Variants in SDCCAG8 observed in about 807,000 individuals in gnomAD.
The protein encoded by SDCCAG8 is serologically defined colon cancer antigen 8.
SDCCAG8 carries 74 observed loss-of-function variants against 101.8 expected under a neutral mutation model. That is an observed-to-expected ratio of 0.73 (90% CI 0.60 to 0.88). The LOEUF is 0.88. SDCCAG8 is among the 40% of genes least tolerant of loss of function. The pLI is 0.00. For missense variants in SDCCAG8, 787 were observed against 822.6 expected, an observed-to-expected ratio of 0.96 and a Z score of 0.53; for synonymous variants, 281 against 292.9, an observed-to-expected ratio of 0.96 and a Z score of 0.41.
chr1:243,437,232 G>A (rs2082194187), intron 16 of SDCCAG8, among the ~76,000 whole-genome samples: 1 of 152,136 alleles, frequency 6.6e-6, no homozygotes, highest in South Asian at 2.1e-4. Flanking sequence ...AACCTAGATT[G>A]CCTGTCTTTT....
At chr1:243,428,423 CTAAT>C (rs540456934) in intron 16 of SDCCAG8, among the ~76,000 whole-genome samples, 1 of 152,252 alleles carries the variant, frequency 6.6e-6, no homozygotes, top group South Asian at 2.1e-4. Flanking sequence ...TCATAACTGT[CTAAT>C]TAATTATAGT....
intron 11 of SDCCAG8, among the ~76,000 whole-genome samples, chr1:243,343,663 T>C (rs1379719210): frequency 6.6e-6 from 1 of 152,228 alleles, no homozygotes; most frequent in Non-Finnish European, 1.5e-5. Flanking sequence ...TACCTCATAT[T>C]GTGTATGATA....
chr1:243,350,013 G>A (rs559247719), intron 12 of SDCCAG8, among the ~76,000 whole-genome samples: 1 of 152,244 alleles, frequency 6.6e-6, no homozygotes, highest in African/African-American at 2.4e-5. Context: ...GGCAAAAAAG[G>A]ATTTGAGGGT....
chr1:243,491,432 G>A (rs1038405987), intron 17 of SDCCAG8, among the ~76,000 whole-genome samples: 2 of 152,158 alleles, frequency 1.3e-5, no homozygotes, highest in African/African-American at 4.8e-5. Context: ...TATTACACTT[G>A]GAGTTATTTT....
intron 12 of SDCCAG8, among the ~76,000 whole-genome samples, chr1:243,372,308 C>T (rs2077338152): frequency 6.6e-6 from 1 of 152,014 alleles, no homozygotes; most frequent in South Asian, 2.1e-4. Flanking sequence ...AATTTTTCTT[C>T]TCCCCATTCT....
chr1:243,437,997 G>A (rs1192248987), intron 16 of SDCCAG8, among the ~76,000 whole-genome samples: 3 of 152,198 alleles, frequency 2.0e-5, no homozygotes, highest in African/African-American at 4.8e-5. Flanking sequence ...CCTGGAGGCA[G>A]TGGGCCTTTT....
At chr1:243,369,635 A>C (rs993300956) in intron 12 of SDCCAG8, among the ~76,000 whole-genome samples, 3 of 152,180 alleles carry the variant, frequency 2.0e-5, no homozygotes, top group African/African-American at 7.2e-5. Flanking sequence ...ACTCAAGAGC[A>C]GAAACAGGGG....
chr1:243,470,226 G>A (rs535184194), intron 16 of SDCCAG8, among the ~76,000 whole-genome samples: 6 of 152,268 alleles, frequency 3.9e-5, no homozygotes, highest in African/African-American at 1.2e-4. Context: ...CAGCTGCCCC[G>A]ACGGGGCTGG....
At chr1:243,313,029 G>A (rs115205693) in intron 8 of SDCCAG8, among the ~76,000 whole-genome samples, 1,662 of 152,262 alleles carry the variant, frequency 0.011, 35 homozygotes, top group African/African-American at 0.038. Context: ...ATTCCTTTCT[G>A]TAGCTCACAG....
At chr1:243,318,731 T>C (rs1343744223) in intron 9 of SDCCAG8, among the ~76,000 whole-genome samples, 1 of 152,134 alleles carries the variant, frequency 6.6e-6, no homozygotes, top group East Asian at 1.9e-4. Flanking sequence ...CAATGCCATG[T>C]TTCAAAACCT....
chr1:243,256,381 G>A (rs1165618608), intron 1 of SDCCAG8, 141 bp downstream of exon 1: 11 of 711,968 alleles, frequency 1.5e-5, no homozygotes, highest in Non-Finnish European at 2.8e-5. Context: ...CTGTGGTCTT[G>A]AGGAGGATGA....
rs12407734 is a variant in SDCCAG8 at position 243,365,906 on chromosome 1, T to G, written c.1474-12815T>G. Among the ~76,000 whole-genome samples, 675 of 152,222 alleles carry G rather than the reference T, an allele frequency of 4.4e-3. 19 individuals are homozygous for G. The highest frequency in any genetic ancestry group is 0.041 in the Admixed American group (633 of 15,280). On this transcript the variant is annotated intron_variant, in intron 12 of 17. Transcript: ENST00000366541. Reference sequence around the variant, plus strand: ...AAGCATATGTAGAAGTATAGAAAATTGTTGAAATTCCATTTTGAAATGACC... The same window carrying G: ...AAGCATATGTAGAAGTATAGAAAATGGTTGAAATTCCATTTTGAAATGACC...
intron 9 of SDCCAG8, among the ~76,000 whole-genome samples, chr1:243,324,942 T>A (rs1237744058): frequency 1.3e-5 from 2 of 152,236 alleles, no homozygotes; most frequent in Non-Finnish European, 2.9e-5. Context: ...CTTGTAATAA[T>A]CTATGAAGTA....
At chr1:243,447,270 A>C (rs1025359766) in intron 16 of SDCCAG8, among the ~76,000 whole-genome samples, 1 of 150,876 alleles carries the variant, frequency 6.6e-6, no homozygotes, top group Non-Finnish European at 1.5e-5. Flanking sequence ...AAAAAAAAAA[A>C]AAAAAACCAT....
rs752070511 is a variant in SDCCAG8, at chr1:243,426,466, A to G, written c.1893A>G (p.Thr631=). 1.2e-6 allele frequency: 2 copies of G among 1,613,888 alleles called. No homozygotes were observed. Among genetic ancestry groups the G allele is most frequent in the Admixed American group, 1.7e-5 (1 of 60,022 alleles). Residue 631 remains threonine, a synonymous_variant, in exon 16 of 18, where the codon ACA becomes ACG. Coordinates refer to ENST00000366541, the MANE Select transcript of SDCCAG8 (RefSeq NM_006642.5). ...AACTCAGTCAAGAAAAAAGGTATAC[A>G]TATGATAAATTGGGAAAGTTACAGA... ...IAQLSQEKRY[T]YDKLGKLQRR... is the part of the protein sequence containing the mutation.
intron 16 of SDCCAG8, among the ~76,000 whole-genome samples, chr1:243,434,869 T>C (rs942490644): frequency 1.3e-5 from 2 of 152,162 alleles, no homozygotes; most frequent in Non-Finnish European, 2.9e-5. Context: ...TGCATTTACC[T>C]TAGCTGGGAC....
chr1:243,367,894 C>T (rs1243107988), intron 12 of SDCCAG8, among the ~76,000 whole-genome samples: 1 of 151,670 alleles, frequency 6.6e-6, no homozygotes, highest in Non-Finnish European at 1.5e-5. Context: ...ATGTCAAGTA[C>T]ATGGCTGACA....
chr1:243,344,321 T>A lies in SDCCAG8; in HGVS notation c.1463T>A (p.Ile488Asn), dbSNP rs917313292. The A allele has an allele frequency of 1.9e-6, 3 of 1,609,510 alleles. No individual in the cohort carries two copies. The African/African-American group carries it at 4.0e-5, about 21-fold the overall frequency. Residue 488 changes from isoleucine to asparagine, a missense_variant, in exon 12 of 18, where the codon ATT becomes AAT. Transcript: ENST00000366541. ...FRAKTNRDLE[I>N]KDQEIEKLRI... Reference sequence around the variant, plus strand: ...GCAAAAACTAACAGGGATCTTGAAATTAAAGATCAGGTAAGAGAGGACACA... The same window carrying A: ...GCAAAAACTAACAGGGATCTTGAAAATAAAGATCAGGTAAGAGAGGACACA...
intron 6 of SDCCAG8, among the ~76,000 whole-genome samples, chr1:243,296,696 C>G (rs1045606099): frequency 7.3e-5 from 11 of 151,710 alleles, no homozygotes; most frequent in African/African-American, 2.7e-4. Flanking sequence ...GCGCCCGCCA[C>G]TGCGCCCGGC....
Sources: gnomAD v4.1 joint callset for allele counts (sites outside exome capture counted in the v4.1 genomes callset) on GRCh38, gnomAD v4.1.1 for gene constraint, MANE v1.5 for transcripts, NCBI Gene and HGNC (gene_info 2026-07-23, HGNC 2026-07-21) for gene names.